The following AURKA variants were observed in gnomAD, a reference collection of about 807,000 sequenced individuals.
AURKA encodes the protein aurora kinase A.
In AURKA, 12 loss-of-function variants were observed where a neutral mutation model predicts 40.9. The ratio of observed to expected loss-of-function variants is 0.29; its 90% CI spans 0.19 to 0.48. The LOEUF is 0.48. Ranked by LOEUF, AURKA falls within the 20% of genes least tolerant of loss-of-function variation. AURKA has a pLI of 0.99. For synonymous variants in AURKA, 170 were observed against 164.3 expected, an observed-to-expected ratio of 1.03 and a Z score of -0.26; for missense variants, 322 against 462.1, an observed-to-expected ratio of 0.70 and a Z score of 2.78.
At chr20:56,389,844 C>T (rs1382887513) in intron 1 of AURKA, among the ~76,000 whole-genome samples, 1 of 152,188 alleles carries the variant, frequency 6.6e-6, no homozygotes, top group Non-Finnish European at 1.5e-5. Flanking sequence ...TTTAATCCAC[C>T]AGCATATTCT....
At chr20:56,380,938 G>C (rs1313497708) in intron 6 of AURKA, among the ~76,000 whole-genome samples, 1 of 152,146 alleles carries the variant, frequency 6.6e-6, no homozygotes, top group African/African-American at 2.4e-5. Context: ...AGGAAATTCA[G>C]TGTGGGGTAT....
chr20:56,382,099 G>A (rs1365279235), intron 5 of AURKA, among the ~76,000 whole-genome samples: 2 of 151,906 alleles, frequency 1.3e-5, no homozygotes, highest in Admixed American at 6.6e-5. Flanking sequence ...GGGAGGCAGA[G>A]GTTGCAGTGA....
chr20:56,382,838 G>A (rs1021821747), intron 5 of AURKA, 147 bp downstream of exon 5: 1 of 773,394 alleles, frequency 1.3e-6, no homozygotes, highest in Non-Finnish European at 2.2e-6. Context: ...ATAGGGGAGG[G>A]GGAGGTGAGG....
chr20:56,372,184 C>T (rs920951217), intron 7 of AURKA, among the ~76,000 whole-genome samples: 1 of 152,160 alleles, frequency 6.6e-6, no homozygotes, highest in African/African-American at 2.4e-5. Flanking sequence ...CTGTGTTCAG[C>T]CAGGCCTGGC....
intron 3 of AURKA, among the ~76,000 whole-genome samples, chr20:56,385,023 C>A (rs983739547): frequency 2.0e-5 from 3 of 152,188 alleles, no homozygotes; most frequent in Non-Finnish European, 4.4e-5. Flanking sequence ...ACCCCTCAAC[C>A]CCCAGGACAC....
chr20:56,391,219 G>A (rs535642756), intron 1 of AURKA, among the ~76,000 whole-genome samples: 1 of 152,224 alleles, frequency 6.6e-6, no homozygotes, highest in South Asian at 2.1e-4. Context: ...GTGCATGTCT[G>A]CAGAGATGAA....
In AURKA at chr20:56,370,602, C is replaced by T; in HGVS notation, c.912G>A (p.Arg304=). 6.2e-7 allele frequency: 1 copy of T among 1,614,186 alleles called. No individual in the cohort carries two copies. Among genetic ancestry groups the T allele is most frequent in the Non-Finnish European group, 8.5e-7 (1 of 1,180,036 alleles). Residue 304 remains arginine (R), a synonymous_variant, in exon 8 of 9, where the codon CGG becomes CGA. Transcript: ENST00000395915. The part of the protein sequence containing the change: ...DYLPPEMIEG[R]MHDEKVDLWS... ...AGAGATCCACCTTCTCATCATGCAT[C>T]CGACCTTCAATCATTTCAGGGGGCA...
rs543625235 is a variant in AURKA at position 56,373,417 on chromosome 20, G to A, written c.845C>T (p.Pro282Leu). ...CTCTAAAGTTACATACCTGGAAGAT[G>A]GAGCATGTACTGACCACCCAAAATC... ...IADFGWSVHAPSSRRTTLCGT... is the reference protein window; with the variant it reads ...IADFGWSVHALSSRRTTLCGT... The change falls in exon 7 of 9, where the codon CCA becomes CTA. Residue 282 changes from proline to leucine, a missense_variant. Pro to Leu is a moderately conservative substitution (Grantham distance 98). Transcript: ENST00000395915. This position sits in a 1 kb window ranked among gnomAD's most constrained non-coding sequence, Gnocchi z 5.0. 1.9e-6 allele frequency: 3 copies of A among 1,613,624 alleles called. No homozygotes were observed. The highest frequency in any genetic ancestry group is 2.2e-5 in the South Asian group (2 of 91,048).
chr20:56,382,928 AG>A (rs2146190168), intron 5 of AURKA, 56 bp downstream of exon 5: 1 of 1,585,964 alleles, frequency 6.3e-7, no homozygotes, highest in African/African-American at 1.3e-5. Flanking sequence ...ACATTACAGG[AG>A]GGGGAGGGGT....
At chr20:56,391,093 T>C (rs536380857) in intron 1 of AURKA, among the ~76,000 whole-genome samples, 2 of 152,310 alleles carry the variant, frequency 1.3e-5, no homozygotes, top group African/African-American at 4.8e-5. Flanking sequence ...AAGAACCAGA[T>C]GACTTTCACA....
chr20:56,373,358 C>T lies in AURKA; in HGVS notation c.854+50G>A, dbSNP rs752189185. The T allele has an allele frequency of 3.7e-6, 6 of 1,612,020 alleles. No individual in the cohort carries two copies. In the Admixed American group the frequency reaches 5.0e-5, roughly 13 times the overall value. On this transcript the variant is annotated intron_variant, in intron 7 of 8. Coordinates refer to ENST00000395915, the MANE Select transcript of AURKA (RefSeq NM_198437.3). This position sits in a 1 kb window ranked among gnomAD's most constrained non-coding sequence, Gnocchi z 5.0. ...TATTTTACATTTAGCTCACGGTTAG[C>T]TCCCAGGGCTTTGGTAAACCAAACA...
intron 6 of AURKA, among the ~76,000 whole-genome samples, chr20:56,380,216 G>A (rs1985521826): frequency 1.3e-5 from 2 of 151,622 alleles, no homozygotes; most frequent in African/African-American, 4.8e-5. Flanking sequence ...TTAGCCAGGT[G>A]TGGTGGTGGG....
At chr20:56,371,319 G>C (rs1026792429) in intron 7 of AURKA, among the ~76,000 whole-genome samples, 4 of 145,706 alleles carry the variant, frequency 2.7e-5, no homozygotes, top group East Asian at 2.0e-4. Flanking sequence ...AAAATTAGCC[G>C]GGTGTGGTGG....
At chr20:56,385,022 C>A (rs952236873) in intron 3 of AURKA, among the ~76,000 whole-genome samples, 7 of 152,200 alleles carry the variant, frequency 4.6e-5, no homozygotes, top group African/African-American at 1.7e-4. Flanking sequence ...CACCCCTCAA[C>A]CCCCAGGACA....
intron 7 of AURKA, among the ~76,000 whole-genome samples, chr20:56,372,533 TAA>T (rs10716404): frequency 0.018 from 2,204 of 121,658 alleles, 20 homozygotes; most frequent in Non-Finnish European, 0.026. Flanking sequence ...ACAACCAGTT[TAA>T]AAAAAAAAAA....
intron 7 of AURKA, among the ~76,000 whole-genome samples, chr20:56,371,429 C>G (rs895329735): frequency 6.6e-6 from 1 of 151,476 alleles, no homozygotes; most frequent in Admixed American, 6.6e-5. Flanking sequence ...CCACTGCACT[C>G]CAGCCTGGGT....
rs1987107885 is a variant in AURKA, at chr20:56,391,486, G to A, written c.-6+682C>T. 2.0e-5 allele frequency among the ~76,000 whole-genome samples: 3 copies of A among 152,084 alleles called. No homozygotes were observed. In the South Asian group the frequency reaches 6.2e-4, roughly 31 times the overall value. ...ATGAAACCTAAGAATCATCTGGAGA[G>A]TTTGTTAATAACTAGACACCTGGGT... On this transcript the variant is annotated intron_variant, in intron 1 of 8. Transcript: ENST00000395915.
chr20:56,377,527 G>A (rs890578173), intron 6 of AURKA, among the ~76,000 whole-genome samples: 4 of 152,102 alleles, frequency 2.6e-5, no homozygotes, highest in Non-Finnish European at 5.9e-5. Context: ...AGTGGCTCAC[G>A]CCTATAATCC....
At chr20:56,376,528 G>A (rs1984943193) in intron 6 of AURKA, among the ~76,000 whole-genome samples, 1 of 151,988 alleles carries the variant, frequency 6.6e-6, no homozygotes, top group African/African-American at 2.4e-5. Context: ...AAAATTACTT[G>A]AATTTAAATG....
Sources: allele counts gnomAD v4.1 joint callset (sites outside exome capture counted in the v4.1 genomes callset), GRCh38; gene constraint gnomAD v4.1.1; non-coding constraint Gnocchi (gnomAD v3.1); transcripts MANE v1.5; gene names NCBI Gene and HGNC (gene_info 2026-07-23, HGNC 2026-07-21).